The following TBL1XR1 variants were observed in gnomAD, a reference collection of about 807,000 sequenced individuals.
TBL1XR1 encodes the protein F-box-like/WD repeat-containing protein TBL1XR1.
In TBL1XR1, 5 loss-of-function variants were observed where a neutral mutation model predicts 66.9. That is an observed-to-expected ratio of 0.07 (90% CI 0.04 to 0.16). TBL1XR1 has a LOEUF of 0.16. TBL1XR1 is among the 10% of genes least tolerant of loss of function. The pLI is 1.00. For synonymous variants in TBL1XR1, 210 were observed against 206.0 expected (o/e 1.02, Z -0.17); for missense variants, 238 against 623.2 (o/e 0.38, Z 6.58).
intron 10 of TBL1XR1, among the ~76,000 whole-genome samples, chr3:177,045,465 G>A (rs972583994): frequency 1.3e-5 from 2 of 152,094 alleles, no homozygotes; most frequent in Admixed American, 1.3e-4. Flanking sequence ...GAATGTCTGG[G>A]TGTGTGACTG....
chr3:177,054,081 CGTGT>C lies in TBL1XR1; in HGVS notation c.59-167_59-164del, dbSNP rs748978933. Reference sequence around the variant, plus strand: ...GTGTGTGTGTGTGTGTGTGCGCGCGCGTGTGTGTGCATGTAAACATGTCAGCCTT... The same window carrying C: ...GTGTGTGTGTGTGTGTGTGCGCGCGCGTGTGCATGTAAACATGTCAGCCTT... On this transcript the variant is annotated intron_variant, in intron 3 of 15. Transcript: ENST00000457928. Among the ~76,000 whole-genome samples, 790 of 150,360 alleles carry C rather than the reference CGTGT, an allele frequency of 5.3e-3. 12 individuals are homozygous for C. Among genetic ancestry groups the C allele is most frequent in the African/African-American group, 0.019 (764 of 40,492 alleles).
intron 2 of TBL1XR1, 95 bp downstream of exon 2, chr3:177,098,371 T>C (rs1358877807): frequency 3.2e-6 from 2 of 634,892 alleles, no homozygotes; most frequent in African/African-American, 4.0e-5. Context: ...GGAACACATG[T>C]ATTTTGTCAA....
chr3:177,127,216 A>G (rs978248849), intron 1 of TBL1XR1, among the ~76,000 whole-genome samples: 5 of 152,208 alleles, frequency 3.3e-5, no homozygotes, highest in African/African-American at 7.2e-5. Context: ...CTCAACTTGT[A>G]TATCTAGTTC....
chr3:177,040,028 A>C (rs1715359716), intron 10 of TBL1XR1, among the ~76,000 whole-genome samples: 1 of 152,204 alleles, frequency 6.6e-6, no homozygotes, highest in African/African-American at 2.4e-5. Flanking sequence ...AAGGGGAAAA[A>C]CAGGAGAGTT....
At chr3:177,146,237 T>C (rs541148494) in intron 1 of TBL1XR1, among the ~76,000 whole-genome samples, 2 of 152,190 alleles carry the variant, frequency 1.3e-5, no homozygotes, top group African/African-American at 4.8e-5. Flanking sequence ...CAGCAGTACA[T>C]CTTCACTATA....
intron 1 of TBL1XR1, among the ~76,000 whole-genome samples, chr3:177,140,426 A>T (rs1368376841): frequency 6.6e-6 from 1 of 152,246 alleles, no homozygotes; most frequent in African/African-American, 2.4e-5. Flanking sequence ...TCCACCACAC[A>T]AAGATTACCA....
At chr3:177,136,721 T>C (rs1361420475) in intron 1 of TBL1XR1, among the ~76,000 whole-genome samples, 1 of 152,214 alleles carries the variant, frequency 6.6e-6, no homozygotes, top group Non-Finnish European at 1.5e-5. Context: ...ATAAGTACCA[T>C]ATTTCTCCCC....
At chr3:177,116,866 T>C (rs1726369243) in intron 1 of TBL1XR1, among the ~76,000 whole-genome samples, 1 of 152,236 alleles carries the variant, frequency 6.6e-6, no homozygotes, top group South Asian at 2.1e-4. Flanking sequence ...TCCTAGATTT[T>C]CTATATGATG....
At chr3:177,198,856 A>G (rs2109034590), upstream of TBL1XR1, among the ~76,000 whole-genome samples, 1 of 145,540 alleles carries the variant, frequency 6.9e-6, no homozygotes, top group East Asian at 2.1e-4. Flanking sequence ...CAGAAACCTG[A>G]AGTTTTGCGA....
At chr3:177,028,240 T>C (rs1368438710) in intron 14 of TBL1XR1, among the ~76,000 whole-genome samples, 1 of 152,090 alleles carries the variant, frequency 6.6e-6, no homozygotes, top group Non-Finnish European at 1.5e-5. Context: ...TATACAACAA[T>C]AGGATAATGA....
chr3:177,051,399 T>C (rs1009180942), intron 5 of TBL1XR1, 105 bp downstream of exon 5: 2 of 992,576 alleles, frequency 2.0e-6, no homozygotes, highest in Non-Finnish European at 2.9e-6. Flanking sequence ...CCCTGTGATA[T>C]GAGTTCATCT....
At chr3:177,136,777 G>C (rs73171107) in intron 1 of TBL1XR1, among the ~76,000 whole-genome samples, 3 of 150,906 alleles carry the variant, frequency 2.0e-5, no homozygotes, top group Non-Finnish European at 4.4e-5. Context: ...ATAATACGGC[G>C]AAGAAGAAAA....
chr3:177,165,769 C>T (rs1468908602), intron 1 of TBL1XR1, among the ~76,000 whole-genome samples: 1 of 152,146 alleles, frequency 6.6e-6, no homozygotes, highest in East Asian at 1.9e-4. Flanking sequence ...CCAGTCTAGA[C>T]TCAGCCCTCA....
At chr3:177,069,055 G>A (rs1719533419) in intron 2 of TBL1XR1, among the ~76,000 whole-genome samples, 1 of 152,036 alleles carries the variant, frequency 6.6e-6, no homozygotes, top group Admixed American at 6.6e-5. Flanking sequence ...CATCTTGGAT[G>A]GCCTATATGA....
At chr3:177,078,944 G>T (rs567291503) in intron 2 of TBL1XR1, among the ~76,000 whole-genome samples, 1 of 151,074 alleles carries the variant, frequency 6.6e-6, no homozygotes, top group Non-Finnish European at 1.5e-5. Context: ...GTGAGACTCC[G>T]TCTCAAAAGA....
At chr3:177,069,793 AAAGGAAGG>A (rs201302557) in intron 2 of TBL1XR1, among the ~76,000 whole-genome samples, 3,792 of 92,338 alleles carry the variant, frequency 0.041, 81 homozygotes, top group Non-Finnish European at 0.05. Context: ...AAAAGGAAGG[AAAGGAAGG>A]AAGGAAGGAA....
intron 2 of TBL1XR1, among the ~76,000 whole-genome samples, chr3:177,074,793 A>G (rs1188741843): frequency 6.6e-6 from 1 of 152,212 alleles, no homozygotes; most frequent in African/African-American, 2.4e-5. Flanking sequence ...TTTCCAAGGA[A>G]CTTACTTATA....
chr3:177,090,278 GAAGT>G (rs753457201), intron 2 of TBL1XR1, among the ~76,000 whole-genome samples: 39 of 152,226 alleles, frequency 2.6e-4, no homozygotes, highest in African/African-American at 8.4e-4. Flanking sequence ...ACAAAAGGAG[GAAGT>G]AAGAATGTAT....
At chr3:177,053,718 C>T (rs770132529) in intron 4 of TBL1XR1, 55 bp downstream of exon 4, 1 of 1,526,108 alleles carries the variant, frequency 6.6e-7, no homozygotes, top group African/African-American at 1.4e-5. Context: ...AGACAGCTGA[C>T]TTAACGGCAT....
Sources: allele counts gnomAD v4.1 joint callset (sites outside exome capture counted in the v4.1 genomes callset), GRCh38; gene constraint gnomAD v4.1.1; transcripts MANE v1.5; gene names NCBI Gene and HGNC (gene_info 2026-07-23, HGNC 2026-07-21).